The following HS3ST5 variants were observed in gnomAD, a reference collection of about 807,000 sequenced individuals.
HS3ST5 encodes heparan sulfate glucosamine 3-O-sulfotransferase 5.
In HS3ST5, 10 loss-of-function variants were observed where a neutral mutation model predicts 25.4. The ratio of observed to expected loss-of-function variants is 0.39; its 90% confidence interval spans 0.24 to 0.67. The LOEUF is 0.67. Ranked by LOEUF, HS3ST5 falls within the 30% of genes least tolerant of loss-of-function variation. The probability of loss-of-function intolerance (pLI) is 0.44; values close to 1 mark genes in which losing one functional copy is unlikely to be tolerated. For synonymous variants in HS3ST5, 170 were observed against 162.4 expected, an observed-to-expected ratio of 1.05 and a Z score of -0.36; for missense variants, 324 against 420.7, an observed-to-expected ratio of 0.77 and a Z score of 2.01.
In HS3ST5 at chr6:114,341,050, T is replaced by C. The variant is rs139068315; in HGVS notation, c.-339+1145A>G. ...AAGAGTTACAGTGCTATTAAATGTA[T>C]CCACGAAGTAATATGACATAAAGCA... On this transcript the variant is annotated intron_variant, in intron 1 of 4. Transcript: ENST00000312719. 5.5e-4 allele frequency among the ~76,000 whole-genome samples: 83 copies of C among 150,196 alleles called. No individual in the cohort carries two copies. The East Asian group carries it at 0.017, about 30-fold the overall frequency.
chr6:114,096,276 T>C (rs1234415929), intron 3 of HS3ST5, among the ~76,000 whole-genome samples: 1 of 152,198 alleles, frequency 6.6e-6, no homozygotes. Flanking sequence ...ACATGTTAGA[T>C]GGCTGCCTCA....
At chr6:114,163,042 G>C (rs1259745963) in intron 3 of HS3ST5, among the ~76,000 whole-genome samples, 1 of 152,146 alleles carries the variant, frequency 6.6e-6, no homozygotes, top group African/African-American at 2.4e-5. Context: ...ATGGACACTT[G>C]TTTAATGAAT....
intron 3 of HS3ST5, among the ~76,000 whole-genome samples, chr6:114,150,154 A>G (rs1272030974): frequency 6.6e-6 from 1 of 152,234 alleles, no homozygotes; most frequent in Admixed American, 6.5e-5. Context: ...ATATTGTCAC[A>G]TAAATGGTTT....
chr6:114,085,314 C>T (rs540943204), intron 3 of HS3ST5, among the ~76,000 whole-genome samples: 7 of 152,038 alleles, frequency 4.6e-5, no homozygotes, highest in Non-Finnish European at 1.0e-4. Flanking sequence ...TTTTTTTCTA[C>T]TAGTCACCTA....
At chr6:114,275,658 C>G in intron 1 of HS3ST5, among the ~76,000 whole-genome samples, 1 of 152,022 alleles carries the variant, frequency 6.6e-6, no homozygotes, top group East Asian at 1.9e-4. Context: ...AGCAACTCTT[C>G]AACTCTGCCA....
intron 1 of HS3ST5, among the ~76,000 whole-genome samples, chr6:114,259,433 C>T (rs1381464091): frequency 6.6e-6 from 1 of 152,154 alleles, no homozygotes; most frequent in Non-Finnish European, 1.5e-5. Context: ...ACTGTAAATA[C>T]ATAACACAGG....
intron 2 of HS3ST5, among the ~76,000 whole-genome samples, chr6:114,188,467 G>A (rs1418568624): frequency 3.3e-5 from 5 of 152,046 alleles, no homozygotes; most frequent in Non-Finnish European, 5.9e-5. Flanking sequence ...ATTTTTTCAA[G>A]GTAACAAATG....
At chr6:114,280,210 G>A (rs1444266622) in intron 1 of HS3ST5, among the ~76,000 whole-genome samples, 1 of 151,942 alleles carries the variant, frequency 6.6e-6, no homozygotes, top group Non-Finnish European at 1.5e-5. Context: ...CACAAAGAAT[G>A]TGGAAAAGGT....
intron 1 of HS3ST5, among the ~76,000 whole-genome samples, chr6:114,280,164 T>C (rs534138497): frequency 1.7e-4 from 26 of 151,752 alleles, no homozygotes; most frequent in African/African-American, 5.8e-4. Flanking sequence ...GGGGAAGATG[T>C]TGGAAAAAAG....
In HS3ST5 at chr6:114,062,786, G is replaced by C. The variant is rs769961503; in HGVS notation, c.60C>G (p.Ala20=). 9.9e-6 allele frequency: 16 copies of C among 1,613,908 alleles called. No individual in the cohort carries two copies. The highest frequency in any genetic ancestry group is 1.3e-5 in the Non-Finnish European group (15 of 1,179,934). The change falls in exon 4 of 5, where the codon GCC becomes GCG. Residue 20 remains alanine (A), a synonymous_variant. Coordinates refer to ENST00000312719, the MANE Select transcript of HS3ST5 (RefSeq NM_153612.4). ...CGACTAGATACAGGAGACTCCCAAC[G>C]GCAAGGCTTCCCAGCACCAGGAGCT... ...RQKLLVLGSL[A]VGSLLYLVAR...
At chr6:114,105,702 G>A (rs1398729426) in intron 3 of HS3ST5, among the ~76,000 whole-genome samples, 3 of 152,176 alleles carry the variant, frequency 2.0e-5, no homozygotes, top group African/African-American at 7.2e-5. Flanking sequence ...CTATAAATTT[G>A]CTATAATAAC....
chr6:114,257,478 T>C (rs924303630), intron 1 of HS3ST5, among the ~76,000 whole-genome samples: 2 of 152,184 alleles, frequency 1.3e-5, no homozygotes, highest in African/African-American at 4.8e-5. Flanking sequence ...AAGTTAGAAG[T>C]AGAACCAGCA....
intron 2 of HS3ST5, among the ~76,000 whole-genome samples, chr6:114,217,518 A>C (rs1781827615): frequency 6.6e-6 from 1 of 152,228 alleles, no homozygotes; most frequent in Admixed American, 6.5e-5. Context: ...ATCGGAGTTC[A>C]AAGTGTTCAT....
chr6:114,321,716 ACAATGTTCTAGCAAAATATGCATGT>A (rs1775978446), intron 1 of HS3ST5, among the ~76,000 whole-genome samples: 1 of 152,190 alleles, frequency 6.6e-6, no homozygotes, highest in African/African-American at 2.4e-5. Context: ...GGTACAATAT[ACAATGTTCTAGCAAAATATGCATGT>A]CAATGTATCT....
chr6:114,257,943 G>T (rs1773006444), intron 1 of HS3ST5, among the ~76,000 whole-genome samples: 1 of 151,992 alleles, frequency 6.6e-6, no homozygotes, highest in Non-Finnish European at 1.5e-5. Context: ...TGATTGTAAA[G>T]GTGAGGTCTC....
chr6:114,308,754 AC>A (rs1279607888), intron 1 of HS3ST5, among the ~76,000 whole-genome samples: 2 of 152,118 alleles, frequency 1.3e-5, no homozygotes, highest in East Asian at 3.9e-4. Context: ...TGAAAACCAG[AC>A]CAGGTAAGGA....
At chr6:114,131,456 T>C (rs1335662799) in intron 3 of HS3ST5, among the ~76,000 whole-genome samples, 1 of 152,182 alleles carries the variant, frequency 6.6e-6, no homozygotes, top group African/African-American at 2.4e-5. Flanking sequence ...TTTTTCACAG[T>C]GTAAAAATAC....
intron 2 of HS3ST5, among the ~76,000 whole-genome samples, chr6:114,187,326 A>G (rs1019702156): frequency 6.6e-6 from 1 of 152,248 alleles, no homozygotes; most frequent in Non-Finnish European, 1.5e-5. Context: ...CATTGAGAAC[A>G]TTCATGATAC....
chr6:114,070,629 ATC>A (rs1447351451), intron 3 of HS3ST5, among the ~76,000 whole-genome samples: 8 of 152,288 alleles, frequency 5.3e-5, no homozygotes, highest in African/African-American at 1.4e-4. Context: ...TCTTGATTAA[ATC>A]TGTCTTTGCC....
Sources: gnomAD v4.1 joint callset for allele counts (sites outside exome capture counted in the v4.1 genomes callset) on GRCh38, gnomAD v4.1.1 for gene constraint, MANE v1.5 for transcripts, NCBI Gene and HGNC (gene_info 2026-07-23, HGNC 2026-07-21) for gene names.